The following EP300 variants were observed in gnomAD, a reference collection of about 807,000 sequenced individuals.
EP300 encodes the protein EP300 lysine acetyltransferase, also known as histone acetyltransferase p300.
A neutral mutation model predicts 264.0 loss-of-function variants in EP300; 31 were observed. The ratio of observed to expected loss-of-function variants is 0.12; its 90% CI spans 0.09 to 0.16. The LOEUF (loss-of-function observed/expected upper bound fraction) is 0.16. Among genes scored for constraint, EP300 ranks in the 10% least tolerant of loss-of-function variants. EP300 has a pLI of 1.00. For missense variants in EP300, 2,766 were observed against 3,052.9 expected (o/e 0.91, Z 2.21); for synonymous variants, 1,340 against 1,045.4 (o/e 1.28, Z -5.44).
intron 17 of EP300, 26 bp from the exon 18 acceptor site, chr22:41,157,143 A>G (rs372112103): frequency 1.2e-6 from 2 of 1,613,756 alleles, no homozygotes; most frequent in Non-Finnish European, 1.7e-6. Context: ...GACTTGAGTA[A>G]TGTTTGATGT....
Position 41,176,987 on chromosome 22 carries a change from A to G in EP300, c.5276A>G (p.Gln1759Arg). 1 of 1,614,190 alleles carries G rather than the reference A, an allele frequency of 6.2e-7. No individual in the cohort carries two copies. The highest frequency in any genetic ancestry group is 8.5e-7 in the Non-Finnish European group (1 of 1,180,034). The stretch of plus-strand genomic sequence containing the variant: ...GCCAATTGCTCACTGCCATCCTGCC[A>G]GAAGATGAAGCGGGTTGTGCAGCAT... ...RNANCSLPSC[Q>R]KMKRVVQHTK... The change falls in exon 31 of 31, where the codon CAG becomes CGG. Residue 1759 changes from glutamine (Q) to arginine (R), a missense_variant. Physicochemically the swap from Gln to Arg is conservative, Grantham distance 43. Transcript: ENST00000263253.
Position 41,150,194 on chromosome 22 carries a change from C to T in EP300, c.2813C>T (p.Thr938Ile). ...TAPLLPPQPA[T>I]PLSQPAVSIE... ...CCGCTGCTTCCTCCGCAGCCTGCAACTCCAGTAAGTAGAGATTTGGATTTA... is the reference window on the plus strand; with the variant it reads ...CCGCTGCTTCCTCCGCAGCCTGCAATTCCAGTAAGTAGAGATTTGGATTTA... The change falls in exon 14 of 31, where the codon ACT becomes ATT. Residue 938 changes from threonine (T) to isoleucine (I), a missense_variant. Coordinates refer to ENST00000263253, the MANE Select transcript of EP300 (RefSeq NM_001429.4). The T allele has an allele frequency of 6.2e-7, 1 of 1,605,256 alleles. No homozygotes were observed. The highest frequency in any genetic ancestry group is 1.1e-5 in the South Asian group (1 of 90,662).
At chr22:41,114,435 A>T (rs374724009) in intron 1 of EP300, among the ~76,000 whole-genome samples, 1 of 152,234 alleles carries the variant, frequency 6.6e-6, no homozygotes, top group African/African-American at 2.4e-5. Flanking sequence ...CCTTGGCCTC[A>T]CAAAGTGTTG....
intron 6 of EP300, among the ~76,000 whole-genome samples, chr22:41,134,163 C>CTTTTTTTTTTTTTTT (rs11362436): frequency 7.6e-5 from 8 of 105,632 alleles, no homozygotes; most frequent in East Asian, 2.7e-4. Flanking sequence ...TCATTCTTTT[C>CTTTTTTTTTTTTTTT]TTTTTTTTTT....
intron 1 of EP300, among the ~76,000 whole-genome samples, chr22:41,116,722 C>T (rs1289484235): frequency 6.6e-6 from 1 of 152,024 alleles, no homozygotes; most frequent in Non-Finnish European, 1.5e-5. Flanking sequence ...TTTAAAAAAT[C>T]TATAAAATGG....
intron 1 of EP300, among the ~76,000 whole-genome samples, chr22:41,113,696 G>A (rs977886676): frequency 7.2e-5 from 11 of 152,116 alleles, no homozygotes; most frequent in East Asian, 3.9e-4. Context: ...ATAGGCGCCC[G>A]CCACCACGCC....
chr22:41,148,762 G>A lies in EP300; in HGVS notation c.2242-276G>A, dbSNP rs578057585. On this transcript the variant is annotated intron_variant, in intron 12 of 30. Transcript: ENST00000263253. ...AAATTACCTGCTATCCTTGTGCTAG[G>A]CATATTTGTGTACCAAGAGAATGTG... 154 of 498,198 alleles carry A rather than the reference G, an allele frequency of 3.1e-4. No individual in the cohort carries two copies. The Admixed American group carries it at 5.0e-3, about 16-fold the overall frequency. The allele number at this position is 498,198 out of a possible 1,614,324, so 30.9% of individuals were successfully genotyped here. A position where few individuals can be genotyped will look rare whatever the true frequency, so the allele number is the denominator to read the frequency against.
chr22:41,134,946 C>T (rs1003879846), intron 6 of EP300, among the ~76,000 whole-genome samples: 6 of 151,820 alleles, frequency 4.0e-5, no homozygotes, highest in African/African-American at 1.2e-4. Context: ...CTCACTCTGT[C>T]GCCCAGGCTG....
chr22:41,126,767 G>A (rs1195562793), intron 3 of EP300, among the ~76,000 whole-genome samples: 2 of 65,474 alleles, frequency 3.1e-5, no homozygotes, highest in Non-Finnish European at 5.8e-5. Context: ...TTTTTGAGAC[G>A]GAGTTTAGCT....
intron 9 of EP300, among the ~76,000 whole-genome samples, chr22:41,140,694 A>G (rs1304800707): frequency 2.0e-5 from 3 of 152,066 alleles, no homozygotes; most frequent in Non-Finnish European, 4.4e-5. Context: ...AGCTGCTCAA[A>G]AGGCTGAGGT....
intron 12 of EP300, among the ~76,000 whole-genome samples, 194 bp downstream of exon 12, chr22:41,148,140 G>A (rs2145734674): frequency 6.6e-6 from 1 of 152,326 alleles, no homozygotes; most frequent in South Asian, 2.1e-4. Flanking sequence ...TCCCTGGAGT[G>A]TCAGTGTTTA....
At position 41,177,732 on chromosome 22, in the gene EP300, G is replaced by C. The variant is rs753531005; in HGVS notation, c.6021G>C (p.Gln2007His). The C allele has an allele frequency of 6.2e-7, 1 of 1,613,804 alleles. No individual in the cohort carries two copies. The change falls in exon 31 of 31, where the codon CAG (glutamine) becomes CAC (histidine). Residue 2007 changes from glutamine to histidine, a missense_variant. Transcript: ENST00000263253. ...GATTGCCTCAGCCCCAGCAACTACA[G>C]TCTGGGATGCCAAGGCCAGCCATGA... ...QGGLPQPQQL[Q>H]SGMPRPAMMS...
chr22:41,161,878 T>C (rs2059110380), intron 20 of EP300, among the ~76,000 whole-genome samples: 1 of 151,966 alleles, frequency 6.6e-6, no homozygotes, highest in Non-Finnish European at 1.5e-5. Flanking sequence ...GCTAGGAGAG[T>C]AGATACTAGG....
At position 41,179,218 on chromosome 22, in the gene EP300, A is replaced by T; in HGVS notation, c.*262A>T. ...CTTTGTGTGTGTGGTTCAAGTGTGCACTGGGAGGAGGCTGAGGCCTGTGAA... is the reference window on the plus strand; with the variant it reads ...CTTTGTGTGTGTGGTTCAAGTGTGCTCTGGGAGGAGGCTGAGGCCTGTGAA... On this transcript the variant is annotated 3_prime_UTR_variant, in exon 31 of 31. Transcript: ENST00000263253. 2.0e-6 allele frequency: 1 copy of T among 498,658 alleles called. No individual in the cohort carries two copies. Among genetic ancestry groups the T allele is most frequent in the Non-Finnish European group, 3.6e-6 (1 of 279,636 alleles). 30.9% of individuals were successfully genotyped at this position (498,658 alleles called of 1,614,324 possible).
chr22:41,111,876 CTTTTTTTTTTT>C (rs71200661), intron 1 of EP300, among the ~76,000 whole-genome samples: 1 of 54,662 alleles, frequency 1.8e-5, no homozygotes, highest in African/African-American at 7.4e-5. Context: ...AACTTGTAAC[CTTTTTTTTTTT>C]TTTTTTTTTT....
At chr22:41,129,503 C>T (rs1273676571) in intron 4 of EP300, among the ~76,000 whole-genome samples, 3 of 152,182 alleles carry the variant, frequency 2.0e-5, no homozygotes, top group African/African-American at 7.2e-5. Flanking sequence ...TTACTGCAGT[C>T]ATTTTTACCC....
intron 17 of EP300, 69 bp downstream of exon 17, chr22:41,155,182 C>T (rs2059070008): frequency 8.7e-7 from 1 of 1,154,804 alleles, no homozygotes; most frequent in Non-Finnish European, 1.3e-6. Flanking sequence ...AGATAATTCA[C>T]ATTCCAAACA....
intron 15 of EP300, 24 bp downstream of exon 15, chr22:41,152,036 T>C (rs1292687341): frequency 6.2e-7 from 1 of 1,614,058 alleles, no homozygotes; most frequent in East Asian, 2.2e-5. Context: ...AATTACTGTT[T>C]GATTTGGTTA....
intron 23 of EP300, 47 bp downstream of exon 23, chr22:41,166,713 C>T (rs1490098014): frequency 1.5e-6 from 2 of 1,325,640 alleles, no homozygotes; most frequent in Non-Finnish European, 2.2e-6. Flanking sequence ...TTATCTGAAG[C>T]CTAGATAAGA....
Sources: allele counts gnomAD v4.1 joint callset (sites outside exome capture counted in the v4.1 genomes callset), GRCh38; gene constraint gnomAD v4.1.1; transcripts MANE v1.5; gene names NCBI Gene and HGNC (gene_info 2026-07-23, HGNC 2026-07-21).